The following GRM8 variants were observed in gnomAD, a reference collection of about 807,000 sequenced individuals.
GRM8 encodes glutamate metabotropic receptor 8.
A neutral mutation model predicts 87.2 loss-of-function variants in GRM8; 47 were observed. That is an observed-to-expected ratio of 0.54 (90% CI 0.43 to 0.69). The LOEUF (loss-of-function observed/expected upper bound fraction) is 0.69. Among genes scored for constraint, GRM8 ranks in the 30% least tolerant of loss-of-function variants. The probability of loss-of-function intolerance (pLI) is 0.00; values close to 1 mark genes in which losing one functional copy is unlikely to be tolerated. For missense variants in GRM8, 1,019 were observed against 1,139.2 expected (o/e 0.89, Z 1.52); for synonymous variants, 396 against 404.5 (o/e 0.98, Z 0.25).
At chr7:126,443,592 G>T (rs1801697604) in intron 10 of GRM8, among the ~76,000 whole-genome samples, 1 of 151,884 alleles carries the variant, frequency 6.6e-6, no homozygotes, top group Non-Finnish European at 1.5e-5. Context: ...TCCTGTAAAA[G>T]ATCAATGCAC....
At chr7:126,804,785 G>A (rs1312777698) in intron 6 of GRM8, among the ~76,000 whole-genome samples, 1 of 152,164 alleles carries the variant, frequency 6.6e-6, no homozygotes, top group East Asian at 1.9e-4. Flanking sequence ...ATATGAGATG[G>A]AATTAACTAC....
chr7:126,617,211 G>T (rs1799596053), intron 7 of GRM8, among the ~76,000 whole-genome samples: 1 of 152,128 alleles, frequency 6.6e-6, no homozygotes. Flanking sequence ...GGGATGCAAG[G>T]CTGGTTCAAC....
At chr7:126,480,655 T>C (rs985498734) in intron 9 of GRM8, among the ~76,000 whole-genome samples, 1 of 152,120 alleles carries the variant, frequency 6.6e-6, no homozygotes, top group African/African-American at 2.4e-5. Context: ...CCTTGTAATG[T>C]TGGTTCAAAG....
intron 3 of GRM8, among the ~76,000 whole-genome samples, chr7:126,948,904 A>G (rs2188189): frequency 0.15 from 23,118 of 152,236 alleles, 2,029 homozygotes; most frequent in Non-Finnish European, 0.21. Flanking sequence ...ATTCAACCAC[A>G]GATGAGTGTG....
chr7:126,499,604 TA>T (rs147691404), intron 9 of GRM8, among the ~76,000 whole-genome samples: 1 of 151,596 alleles, frequency 6.6e-6, no homozygotes, highest in Admixed American at 6.6e-5. Context: ...ATTCGGCCTT[TA>T]AAAAAAAGGG....
chr7:126,696,747 A>C (rs549223890), intron 7 of GRM8, among the ~76,000 whole-genome samples: 2 of 152,320 alleles, frequency 1.3e-5, no homozygotes, highest in Non-Finnish European at 2.9e-5. Context: ...AGACAGACAG[A>C]GGCTGAAGAA....
At chr7:126,465,849 A>C (rs1448799337) in intron 9 of GRM8, among the ~76,000 whole-genome samples, 1 of 151,882 alleles carries the variant, frequency 6.6e-6, no homozygotes, top group East Asian at 1.9e-4. Flanking sequence ...AATAACAGAA[A>C]TTATTTTCAG....
At chr7:126,793,542 T>C (rs536995135) in intron 6 of GRM8, among the ~76,000 whole-genome samples, 1 of 152,316 alleles carries the variant, frequency 6.6e-6, no homozygotes, top group African/African-American at 2.4e-5. Context: ...TAAAGAGTTA[T>C]ATAAACCTGA....
At chr7:127,128,975 T>C (rs1016268896) in intron 2 of GRM8, among the ~76,000 whole-genome samples, 1 of 152,136 alleles carries the variant, frequency 6.6e-6, no homozygotes, top group Non-Finnish European at 1.5e-5. Context: ...CAAAACCACA[T>C]GAATTAAGGT....
intron 2 of GRM8, among the ~76,000 whole-genome samples, chr7:127,154,881 G>A (rs537775256): frequency 1.3e-5 from 2 of 152,060 alleles, no homozygotes; most frequent in South Asian, 4.2e-4. Context: ...GAAACAAGAA[G>A]GTTCATATTG....
At chr7:126,562,754 C>T (rs760203980) in intron 8 of GRM8, among the ~76,000 whole-genome samples, 12 of 152,122 alleles carry the variant, frequency 7.9e-5, no homozygotes, top group Admixed American at 1.3e-4. Flanking sequence ...AAAAGTTAGC[C>T]GGTGTGGTGG....
At chr7:126,795,676 C>A (rs1821874329) in intron 6 of GRM8, among the ~76,000 whole-genome samples, 1 of 152,068 alleles carries the variant, frequency 6.6e-6, no homozygotes, top group African/African-American at 2.4e-5. Flanking sequence ...AACAGCATTT[C>A]CTCCTTGCGA....
At chr7:126,939,022 G>A (rs1045673668) in intron 3 of GRM8, among the ~76,000 whole-genome samples, 7 of 152,128 alleles carry the variant, frequency 4.6e-5, no homozygotes, top group Admixed American at 1.3e-4. Flanking sequence ...GCAATGCCCA[G>A]TTCATAGTAT....
intron 8 of GRM8, among the ~76,000 whole-genome samples, chr7:126,569,448 G>T (rs949792270): frequency 2.0e-5 from 3 of 151,964 alleles, no homozygotes; most frequent in African/African-American, 7.2e-5. Context: ...TGCTGAAAGT[G>T]AATTTTATTT....
At chr7:126,914,864 T>C (rs1803721272) in intron 3 of GRM8, among the ~76,000 whole-genome samples, 1 of 152,166 alleles carries the variant, frequency 6.6e-6, no homozygotes, top group Non-Finnish European at 1.5e-5. Context: ...ATCCTCAGCA[T>C]CACACAAGTA....
intron 7 of GRM8, among the ~76,000 whole-genome samples, chr7:126,758,830 A>C (rs963003646): frequency 1.3e-5 from 2 of 152,160 alleles, no homozygotes; most frequent in African/African-American, 4.8e-5. Context: ...TCCCTTAAGC[A>C]TAGTAATTAG....
At chr7:126,513,488 T>C (rs1811708297) in intron 9 of GRM8, among the ~76,000 whole-genome samples, 1 of 152,164 alleles carries the variant, frequency 6.6e-6, no homozygotes, top group South Asian at 2.1e-4. Flanking sequence ...GGAAGTTCAG[T>C]GGGCACTAGC....
intron 6 of GRM8, among the ~76,000 whole-genome samples, chr7:126,856,505 G>A (rs1797697013): frequency 6.6e-6 from 1 of 152,146 alleles, no homozygotes; most frequent in African/African-American, 2.4e-5. Flanking sequence ...AATTTTGTCT[G>A]CAGTAGCCTT....
At chr7:126,738,197 G>A (rs767764787) in intron 7 of GRM8, among the ~76,000 whole-genome samples, 1 of 152,068 alleles carries the variant, frequency 6.6e-6, no homozygotes, top group Non-Finnish European at 1.5e-5. Flanking sequence ...GGTATGATGT[G>A]TTAAGCCAAG....
Sources: gnomAD v4.1 joint callset for allele counts (sites outside exome capture counted in the v4.1 genomes callset) on GRCh38, gnomAD v4.1.1 for gene constraint, MANE v1.5 for transcripts, NCBI Gene and HGNC (gene_info 2026-07-23, HGNC 2026-07-21) for gene names.